SLC9C2: variants seen among roughly 807,000 people sequenced by gnomAD.
The protein encoded by SLC9C2 is solute carrier family 9 member C2 (putative).
A neutral mutation model predicts 140.2 loss-of-function variants in SLC9C2; 75 were observed. The ratio of observed to expected loss-of-function variants is 0.53; its 90% CI spans 0.44 to 0.65. The LOEUF is 0.65. Ranked by LOEUF, SLC9C2 falls within the 30% of genes least tolerant of loss-of-function variation. The pLI is 0.00. For missense variants in SLC9C2, 1,074 were observed against 1,331.8 expected (o/e 0.81, Z 3.01); for synonymous variants, 375 against 420.9 (o/e 0.89, Z 1.34).
At position 173,509,638 on chromosome 1, in the gene SLC9C2, TC is replaced by T; in HGVS notation, c.2968del (p.Glu990AsnfsTer6). On this transcript the variant is annotated frameshift_variant, in exon 24 of 28. Transcript: ENST00000367714. LOFTEE classifies it high-confidence loss of function. ...EGFDAFWPSLEYKIWLKLALS... is the reference protein window; with the variant it reads ...EGFDAFWPSLXYKIWLKLALS... ...AGCAAGCTTTAGCCATATTTTATAT[TC>T]CAGAGATGGCCAGAAGGCATCAAAG... is the stretch of plus-strand genomic sequence containing the variant. 1 of 1,597,376 alleles carries T rather than the reference TC, an allele frequency of 6.3e-7. No homozygotes were observed. Among genetic ancestry groups the T allele is most frequent in the South Asian group, 1.2e-5 (1 of 86,618 alleles).
chr1:173,522,241 A>G (rs905949504), intron 21 of SLC9C2, among the ~76,000 whole-genome samples: 4 of 152,082 alleles, frequency 2.6e-5, no homozygotes, highest in Admixed American at 2.6e-4. Context: ...AAAATGCAGA[A>G]AAGCCACAGG....
At chr1:173,570,343 G>C (rs1304024655) in intron 9 of SLC9C2, among the ~76,000 whole-genome samples, 3 of 152,100 alleles carry the variant, frequency 2.0e-5, no homozygotes, top group Non-Finnish European at 4.4e-5. Flanking sequence ...TAGAAATGTT[G>C]TCCAGGAACT....
At chr1:173,540,191 C>G (rs1662279568) in intron 13 of SLC9C2, among the ~76,000 whole-genome samples, 2 of 152,062 alleles carry the variant, frequency 1.3e-5, no homozygotes, top group Non-Finnish European at 2.9e-5. Flanking sequence ...AACAAAGCAC[C>G]CTGGAAGACA....
intron 16 of SLC9C2, 81 bp from the exon 17 acceptor site, chr1:173,533,878 T>C: frequency 1.4e-6 from 2 of 1,397,274 alleles, no homozygotes; most frequent in Non-Finnish European, 1.9e-6. Flanking sequence ...AACAACTAAG[T>C]TCTTAACTAC....
In SLC9C2 at chr1:173,549,994, C is replaced by T. The variant is rs566498099; in HGVS notation, c.1298-1442G>A. On this transcript the variant is annotated intron_variant, in intron 11 of 27. Transcript: ENST00000367714. ...CAACTGGGTCAGGATCCCTGGCAGC[C>T]AAAGGGATTTGGTAGGAAGGAAAGT... 4.6e-5 allele frequency among the ~76,000 whole-genome samples: 7 copies of T among 152,216 alleles called. No homozygotes were observed. In the South Asian group the frequency reaches 1.5e-3, roughly 32 times the overall value.
intron 17 of SLC9C2, among the ~76,000 whole-genome samples, chr1:173,532,489 G>A (rs1571487271): frequency 6.6e-6 from 1 of 152,198 alleles, no homozygotes; most frequent in African/African-American, 2.4e-5. Context: ...TGGAATGAAG[G>A]CATAGTAATT....
At chr1:173,510,126 C>T (rs778911296) in intron 23 of SLC9C2, among the ~76,000 whole-genome samples, 6 of 152,248 alleles carry the variant, frequency 3.9e-5, no homozygotes, top group Middle Eastern at 3.4e-3. Context: ...TCAAGTTACA[C>T]GAACTTCAGT....
intron 22 of SLC9C2, among the ~76,000 whole-genome samples, chr1:173,519,751 T>TG (rs966494393): frequency 6.6e-5 from 10 of 152,330 alleles, no homozygotes; most frequent in African/African-American, 2.4e-4. Flanking sequence ...ACATGGATAC[T>TG]GGAGACAGAC....
intron 10 of SLC9C2, among the ~76,000 whole-genome samples, chr1:173,556,334 C>T (rs1321423454): frequency 6.6e-6 from 1 of 152,126 alleles, no homozygotes; most frequent in East Asian, 1.9e-4. Flanking sequence ...CAGAAATCTA[C>T]CAGCTAACCC....
Position 173,517,577 on chromosome 1 carries a change from C to A in SLC9C2, c.2867G>T (p.Arg956Leu). The A allele has an allele frequency of 1.2e-6, 2 of 1,612,918 alleles. No individual in the cohort carries two copies. The change falls in exon 23 of 28, where the codon CGT becomes CTT. Residue 956 changes from arginine to leucine, a missense_variant. Coordinates refer to ENST00000367714, the MANE Select transcript of SLC9C2 (RefSeq NM_178527.4). ...ACAGATGACGGTATATTCAATTTCA[C>A]GCTTAAGCAGACAGCTTAGCTCTCC... Reference protein sequence around the residue: ...IIGELSCLLKREIEYTVICET... With the variant: ...IIGELSCLLKLEIEYTVICET...
intron 4 of SLC9C2, among the ~76,000 whole-genome samples, chr1:173,596,261 T>C (rs1012165575): frequency 7.9e-5 from 12 of 152,210 alleles, no homozygotes; most frequent in African/African-American, 2.7e-4. Context: ...TTTGTAAACA[T>C]AAGTTTTCAT....
At chr1:173,501,593 C>A (rs886613495) in intron 27 of SLC9C2, among the ~76,000 whole-genome samples, 1 of 149,370 alleles carries the variant, frequency 6.7e-6, no homozygotes, top group African/African-American at 2.5e-5. Flanking sequence ...TCACTGCAAC[C>A]TCCGCCTCCC....
At chr1:173,541,256 C>A (rs1662382370) in intron 13 of SLC9C2, among the ~76,000 whole-genome samples, 1 of 151,598 alleles carries the variant, frequency 6.6e-6, no homozygotes, top group Non-Finnish European at 1.5e-5. Flanking sequence ...TCAAAAGAGA[C>A]AAAGGCGGCC....
intron 26 of SLC9C2, among the ~76,000 whole-genome samples, chr1:173,504,992 G>A (rs1277314117): frequency 6.6e-6 from 1 of 152,176 alleles, no homozygotes; most frequent in African/African-American, 2.4e-5. Context: ...GTGCATTGCA[G>A]AAGCTGCTCT....
intron 5 of SLC9C2, among the ~76,000 whole-genome samples, chr1:173,586,722 C>CT (rs1396386150): frequency 3.3e-5 from 5 of 152,150 alleles, no homozygotes; most frequent in Non-Finnish European, 7.3e-5. Flanking sequence ...AGATCATGTC[C>CT]TTTGCAGGGA....
intron 13 of SLC9C2, among the ~76,000 whole-genome samples, chr1:173,542,064 C>A (rs1662470447): frequency 6.6e-6 from 1 of 152,002 alleles, no homozygotes; most frequent in Admixed American, 6.6e-5. Flanking sequence ...ATCAATGAAT[C>A]CAGGAGCTGG....
In SLC9C2 at chr1:173,572,354, T is replaced by C. The variant is rs74854446; in HGVS notation, c.1046+828A>G. On this transcript the variant is annotated intron_variant, in intron 9 of 27. Coordinates refer to ENST00000367714, the MANE Select transcript of SLC9C2 (RefSeq NM_178527.4). ...GGGGGATAGGGGTAGCACTCAGGGC[T>C]GTGTACACAGCCTTCTGTGTGAGAG... Among the ~76,000 whole-genome samples, 1,037 of 152,316 alleles carry C rather than the reference T, an allele frequency of 6.8e-3. 15 individuals are homozygous for C. The highest frequency in any genetic ancestry group is 0.024 in the African/African-American group (997 of 41,562).
chr1:173,530,211 G>A (rs1396452738), intron 17 of SLC9C2, among the ~76,000 whole-genome samples, 157 bp from the exon 18 acceptor site: 1 of 152,160 alleles, frequency 6.6e-6, no homozygotes, highest in Non-Finnish European at 1.5e-5. Context: ...GGAGACCTGT[G>A]GAATCAGACA....
intron 23 of SLC9C2, among the ~76,000 whole-genome samples, chr1:173,516,201 T>C (rs1243147339): frequency 6.6e-6 from 1 of 152,240 alleles, no homozygotes; most frequent in Non-Finnish European, 1.5e-5. Flanking sequence ...CTTTGGCTCA[T>C]TTCTATTTGA....
Sources: allele counts gnomAD v4.1 joint callset (sites outside exome capture counted in the v4.1 genomes callset), GRCh38; gene constraint gnomAD v4.1.1; transcripts MANE v1.5; gene names NCBI Gene and HGNC (gene_info 2026-07-23, HGNC 2026-07-21).